NXN: variants seen among roughly 807,000 people sequenced by gnomAD.
NXN encodes the protein nucleoredoxin.
A neutral mutation model predicts 48.6 loss-of-function variants in NXN; 16 were observed. The ratio of observed to expected loss-of-function variants is 0.33; its 90% CI spans 0.22 to 0.50. NXN has a LOEUF of 0.50. Ranked by LOEUF, NXN falls within the 20% of genes least tolerant of loss-of-function variation. The probability of loss-of-function intolerance (pLI) is 0.98; values close to 1 mark genes in which losing one functional copy is unlikely to be tolerated. For missense variants in NXN, 492 were observed against 605.5 expected (o/e 0.81, Z 1.97); for synonymous variants, 281 against 269.6 (o/e 1.04, Z -0.41).
chr17:929,501 GC>G (rs2068833018), intron 1 of NXN, among the ~76,000 whole-genome samples: 1 of 152,138 alleles, frequency 6.6e-6, no homozygotes, highest in African/African-American at 2.4e-5. Flanking sequence ...TTTCCAGTGT[GC>G]CCCCCTACCC....
chr17:932,519 G>A lies in NXN; in HGVS notation c.360+46800C>T, dbSNP rs535605123. ...TGGGTCCAGTCGTCGTCTCCTCAGC[G>A]AGTAAGGCAGCTTCAGGGGAAGGCC... On this transcript the variant is annotated intron_variant, in intron 1 of 7. Transcript: ENST00000336868. The surrounding 1 kb of genome is among the most constrained non-coding windows in gnomAD (Gnocchi z 4.1). Among the ~76,000 whole-genome samples, 9 of 152,336 alleles carry A rather than the reference G, an allele frequency of 5.9e-5. No homozygotes were observed. Among genetic ancestry groups the A allele is most frequent in the East Asian group, 3.9e-4 (2 of 5,178 alleles).
chr17:858,094 C>G (rs1377149392), intron 1 of NXN, among the ~76,000 whole-genome samples: 1 of 151,970 alleles, frequency 6.6e-6, no homozygotes, highest in Admixed American at 6.6e-5. Context: ...CCCCAGCCTC[C>G]CGAGTAATGG....
intron 1 of NXN, among the ~76,000 whole-genome samples, chr17:839,327 C>T (rs909983758): frequency 4.6e-5 from 7 of 151,708 alleles, no homozygotes; most frequent in African/African-American, 1.7e-4. Flanking sequence ...CCCAGCTACT[C>T]GGGAGGCTGA....
chr17:808,865 C>CG (rs55936639), intron 5 of NXN, among the ~76,000 whole-genome samples: 7,843 of 151,660 alleles, frequency 0.052, 353 homozygotes, highest in African/African-American at 0.13. Context: ...TTAGTAGAGA[C>CG]GGGGTTTCAC....
chr17:891,421 C>G (rs2068415626), intron 1 of NXN, among the ~76,000 whole-genome samples: 1 of 152,222 alleles, frequency 6.6e-6, no homozygotes, highest in Non-Finnish European at 1.5e-5. Flanking sequence ...CCCATTCAAA[C>G]ACATTTAGCA....
intron 1 of NXN, among the ~76,000 whole-genome samples, chr17:868,559 T>C (rs2068117486): frequency 6.6e-6 from 1 of 152,208 alleles, no homozygotes; most frequent in African/African-American, 2.4e-5. Flanking sequence ...TGATGCGATC[T>C]CTGCTTACTG....
intron 4 of NXN, among the ~76,000 whole-genome samples, chr17:819,846 C>G (rs1912722883): frequency 6.6e-6 from 1 of 152,240 alleles, no homozygotes; most frequent in Non-Finnish European, 1.5e-5. Context: ...ACAGGTCTTT[C>G]TTGCCTCAGA....
intron 1 of NXN, among the ~76,000 whole-genome samples, chr17:888,009 C>G (rs1350152325): frequency 6.6e-6 from 1 of 152,090 alleles, no homozygotes. Context: ...AACTGCCACA[C>G]GGGTCACGGT....
At chr17:883,685 C>A (rs759440973) in intron 1 of NXN, among the ~76,000 whole-genome samples, 1 of 152,220 alleles carries the variant, frequency 6.6e-6, no homozygotes, top group Non-Finnish European at 1.5e-5. Context: ...TGGTCACGGT[C>A]CCATCATATA....
chr17:881,858 A>G (rs1191653772), intron 1 of NXN, among the ~76,000 whole-genome samples: 2 of 152,202 alleles, frequency 1.3e-5, no homozygotes, highest in Admixed American at 6.5e-5. Flanking sequence ...CCGACACAAA[A>G]TAACACTGAC....
chr17:885,269 T>C (rs867157327), intron 1 of NXN, among the ~76,000 whole-genome samples: 1 of 152,054 alleles, frequency 6.6e-6, no homozygotes, highest in South Asian at 2.1e-4. Context: ...GAGACCAGCC[T>C]GGCCAAGAGA....
chr17:842,994 AAGAG>A lies in NXN; in HGVS notation c.361-16920_361-16917del, dbSNP rs1272596790. Among the ~76,000 whole-genome samples the A allele has an allele frequency of 4.5e-3, 493 of 110,146 alleles. 1 individual carries two copies. Among genetic ancestry groups the A allele is most frequent in the African/African-American group, 0.01 (266 of 26,572 alleles). The allele number at this position is 110,146 out of a possible 152,430, so 72.3% of individuals were successfully genotyped here. A position where few individuals can be genotyped will look rare whatever the true frequency, so the allele number is the denominator to read the frequency against. ...AAAGAGAGAAAGAGAGAAAGAGAGA[AAGAG>A]AGAAAGAGAGAAAGAAAGAAAGAAA... On this transcript the variant is annotated intron_variant, in intron 1 of 7. Coordinates refer to ENST00000336868, the MANE Select transcript of NXN (RefSeq NM_022463.5).
rs563070911 is a variant in NXN at position 844,251 on chromosome 17, C to T, written c.361-18173G>A. Among the ~76,000 whole-genome samples the T allele has an allele frequency of 6.6e-5, 10 of 151,196 alleles. No homozygotes were observed. In the East Asian group the frequency reaches 1.2e-3, roughly 18 times the overall value. ...GAAGGTGGGAGACCAGGCCATCCTA[C>T]GTCCCGTCCCACCCATCCTTAGCTG... is the stretch of plus-strand genomic sequence containing the variant. On this transcript the variant is annotated intron_variant, in intron 1 of 7. Coordinates refer to ENST00000336868, the MANE Select transcript of NXN (RefSeq NM_022463.5).
chr17:914,025 G>A (rs922069948), intron 1 of NXN, among the ~76,000 whole-genome samples: 6 of 151,940 alleles, frequency 3.9e-5, no homozygotes, highest in Non-Finnish European at 5.9e-5. Flanking sequence ...TCAGCCTCCC[G>A]GGTAGCTGGG....
chr17:975,855 A>G (rs558432104), intron 1 of NXN, among the ~76,000 whole-genome samples: 2 of 152,350 alleles, frequency 1.3e-5, no homozygotes, highest in South Asian at 2.1e-4. Flanking sequence ...CCAAATCCCC[A>G]AAGTCCAAAT....
chr17:868,830 G>C lies in NXN; in HGVS notation c.361-42752C>G, dbSNP rs1349232703. On this transcript the variant is annotated intron_variant, in intron 1 of 7. Transcript: ENST00000336868. ...CTACATCGTGATCACCCCAGTGCCA[G>C]CACCGACCCTGGGCCGGGCCCACCA... Among the ~76,000 whole-genome samples, 6 of 152,194 alleles carry C rather than the reference G, an allele frequency of 3.9e-5. No homozygotes were observed. In the East Asian group the frequency reaches 5.8e-4, roughly 15 times the overall value.
At chr17:837,253 C>A (rs1913879562) in intron 1 of NXN, among the ~76,000 whole-genome samples, 1 of 152,166 alleles carries the variant, frequency 6.6e-6, no homozygotes, top group African/African-American at 2.4e-5. Flanking sequence ...GCTGGGGCTA[C>A]AGGTGTAAGC....
In NXN at chr17:849,160, G is replaced by A. The variant is rs568632005; in HGVS notation, c.361-23082C>T. Among the ~76,000 whole-genome samples, 2 of 152,190 alleles carry A rather than the reference G, an allele frequency of 1.3e-5. No individual in the cohort carries two copies. Among genetic ancestry groups the A allele is most frequent in the African/African-American group, 4.8e-5 (2 of 41,442 alleles). On this transcript the variant is annotated intron_variant, in intron 1 of 7. Coordinates refer to ENST00000336868, the MANE Select transcript of NXN (RefSeq NM_022463.5). This position sits in a 1 kb window ranked among gnomAD's most constrained non-coding sequence, Gnocchi z 4.2. ...GTTCCACGGCAGGCAATCATGGTGG[G>A]TGTGCACGCTTGATCTAAGACCAAT...
chr17:858,002 C>T (rs1189839737), intron 1 of NXN, among the ~76,000 whole-genome samples: 1 of 148,844 alleles, frequency 6.7e-6, no homozygotes, highest in Admixed American at 6.7e-5. Context: ...TGGGGTCTCG[C>T]TCTGTCGCCC....
Sources: allele counts gnomAD v4.1 joint callset (sites outside exome capture counted in the v4.1 genomes callset), GRCh38; gene constraint gnomAD v4.1.1; non-coding constraint Gnocchi (gnomAD v3.1); transcripts MANE v1.5; gene names NCBI Gene and HGNC (gene_info 2026-07-23, HGNC 2026-07-21).